Variants in PIK3C2G observed in about 807,000 individuals in gnomAD.
The protein encoded by PIK3C2G is phosphatidylinositol 3-kinase C2 domain-containing subunit gamma.
PIK3C2G carries 168 observed loss-of-function variants against 181.1 expected under a neutral mutation model. That is an observed-to-expected ratio of 0.93 (90% CI 0.82 to 1.05). The LOEUF is 1.05. Ranked by LOEUF, PIK3C2G falls within the 50% of genes least tolerant of loss-of-function variation. The pLI, the probability that PIK3C2G is intolerant of heterozygous loss-of-function variation, is 0.00. For missense variants in PIK3C2G, 1,869 were observed against 1,732.8 expected, an observed-to-expected ratio of 1.08 and a Z score of -1.40; for synonymous variants, 573 against 592.2, an observed-to-expected ratio of 0.97 and a Z score of 0.47.
At chr12:18,711,441 G>C in the PIK3C2G span, among the ~76,000 whole-genome samples, 1 of 148,722 alleles carries the variant, frequency 6.7e-6, no homozygotes, top group Non-Finnish European at 1.5e-5. Context: ...GCTAAATGAC[G>C]AGTTAGTGGG....
intron 18 of PIK3C2G, among the ~76,000 whole-genome samples, chr12:18,471,602 C>T (rs1401848190): frequency 6.6e-6 from 1 of 152,072 alleles, no homozygotes; most frequent in Non-Finnish European, 1.5e-5. Flanking sequence ...TTTTCCAACA[C>T]CTACCCATCC....
chr12:18,508,545 G>A (rs565425430), intron 24 of PIK3C2G, among the ~76,000 whole-genome samples: 95 of 152,132 alleles, frequency 6.2e-4, no homozygotes, highest in Middle Eastern at 3.4e-3. Context: ...GTGCTTATTT[G>A]TCCCACATTT....
chr12:18,560,053 A>G (rs563236669), intron 26 of PIK3C2G, among the ~76,000 whole-genome samples: 15 of 151,136 alleles, frequency 9.9e-5, no homozygotes, highest in African/African-American at 3.4e-4. Flanking sequence ...CTGGTCTCAA[A>G]CTCCTGACCT....
Position 18,304,117 on chromosome 12 carries a change from A to G in PIK3C2G, c.1035-9845A>G, listed in dbSNP as rs183800250. Among the ~76,000 whole-genome samples, 66 of 152,298 alleles carry G rather than the reference A, an allele frequency of 4.3e-4. 2 individuals carry two copies. Among genetic ancestry groups the G allele is most frequent in the Admixed American group, 4.1e-3 (62 of 15,304 alleles). On this transcript the variant is annotated intron_variant, in intron 5 of 32. Transcript: ENST00000538779. ...TTTCTCTCTGGGACTCTCCTAGTAG[A>G]GACGATGCATTCCTTTTATTAGAGT...
chr12:18,714,361 C>T, the PIK3C2G span, among the ~76,000 whole-genome samples: 3 of 152,128 alleles, frequency 2.0e-5, no homozygotes. Flanking sequence ...GTTTCTACAA[C>T]AGCAGGGATT....
the PIK3C2G span, among the ~76,000 whole-genome samples, chr12:18,655,676 G>A: frequency 6.6e-6 from 1 of 151,634 alleles, no homozygotes; most frequent in Non-Finnish European, 1.5e-5. Flanking sequence ...ATGTACCCTT[G>A]ACAAGATGTG....
At chr12:18,722,897 A>C in the PIK3C2G span, among the ~76,000 whole-genome samples, 1 of 151,984 alleles carries the variant, frequency 6.6e-6, no homozygotes, top group Non-Finnish European at 1.5e-5. Flanking sequence ...TAGCACATTT[A>C]ATTTTCATAG....
intron 18 of PIK3C2G, among the ~76,000 whole-genome samples, chr12:18,439,582 ATG>A (rs1280348666): frequency 3.4e-5 from 4 of 116,652 alleles, no homozygotes; most frequent in African/African-American, 1.3e-4. Flanking sequence ...TGAGCCACTC[ATG>A]TATGTATCTG....
chr12:18,269,772 G>C (rs1948665434), intron 1 of PIK3C2G, among the ~76,000 whole-genome samples: 1 of 151,988 alleles, frequency 6.6e-6, no homozygotes, highest in Non-Finnish European at 1.5e-5. Context: ...ATTATTATCA[G>C]TTAAAATACA....
At position 18,449,656 on chromosome 12, in the gene PIK3C2G, T is replaced by G. The variant is rs558669172; in HGVS notation, c.2504+25617T>G. On this transcript the variant is annotated intron_variant, in intron 18 of 32. Coordinates refer to ENST00000538779, the MANE Select transcript of PIK3C2G (RefSeq NM_001288772.2). ...CATTCTTTTTTATGGCTGCATAGTA[T>G]TCTATGGTGTGTATGTATGCCACAT... 3.3e-5 allele frequency among the ~76,000 whole-genome samples: 5 copies of G among 152,326 alleles called. No individual in the cohort carries two copies. The East Asian group carries it at 7.7e-4, about 23-fold the overall frequency.
chr12:18,325,997 A>G (rs1951331235), intron 8 of PIK3C2G, among the ~76,000 whole-genome samples: 1 of 152,142 alleles, frequency 6.6e-6, no homozygotes, highest in Admixed American at 6.6e-5. Context: ...CAAAGAGATG[A>G]TGAGGGCATG....
At chr12:18,307,001 T>A (rs2137346794) in intron 5 of PIK3C2G, among the ~76,000 whole-genome samples, 1 of 150,942 alleles carries the variant, frequency 6.6e-6, no homozygotes, top group South Asian at 2.1e-4. Flanking sequence ...TGAAAGAGCA[T>A]CGCTTTTAAA....
At chr12:18,530,469 C>G (rs1943489287) in intron 24 of PIK3C2G, among the ~76,000 whole-genome samples, 1 of 152,150 alleles carries the variant, frequency 6.6e-6, no homozygotes, top group Admixed American at 6.6e-5. Flanking sequence ...TTTTGCTCGC[C>G]TTCACAAATT....
intron 28 of PIK3C2G, among the ~76,000 whole-genome samples, chr12:18,565,424 A>G (rs1592598059): frequency 6.6e-6 from 1 of 152,210 alleles, no homozygotes; most frequent in South Asian, 2.1e-4. Flanking sequence ...TCTCCCAACC[A>G]TCCAAAATTT....
chr12:18,480,284 G>A (rs1053462726), intron 18 of PIK3C2G, among the ~76,000 whole-genome samples: 1 of 152,234 alleles, frequency 6.6e-6, no homozygotes, highest in Admixed American at 6.5e-5. Context: ...ATTCACAGCA[G>A]AGTGCTTAAT....
At chr12:18,313,877 T>A in intron 5 of PIK3C2G, 85 bp from the exon 6 acceptor site, 1 of 747,138 alleles carries the variant, frequency 1.3e-6, no homozygotes. Flanking sequence ...GTTCCAAAAA[T>A]AAAAGAAAAT....
At chr12:18,685,789 G>C in the PIK3C2G span, 2 of 350,244 alleles carry the variant, frequency 5.7e-6, no homozygotes, top group East Asian at 1.5e-4. Flanking sequence ...TTACACATGT[G>C]CCTCTGCCTC....
intron 16 of PIK3C2G, among the ~76,000 whole-genome samples, chr12:18,415,100 C>A (rs184858638): frequency 6.6e-6 from 1 of 152,146 alleles, no homozygotes; most frequent in South Asian, 2.1e-4. Flanking sequence ...TTTTTGTTCT[C>A]CTGTTTTTGA....
At chr12:18,634,219 G>A (rs1311122313) in intron 31 of PIK3C2G, among the ~76,000 whole-genome samples, 1 of 152,156 alleles carries the variant, frequency 6.6e-6, no homozygotes, top group Non-Finnish European at 1.5e-5. Context: ...TCTTTTTGCT[G>A]TGATGTGAGT....
Sources: gnomAD v4.1 joint callset for allele counts (sites outside exome capture counted in the v4.1 genomes callset) on GRCh38, gnomAD v4.1.1 for gene constraint, MANE v1.5 for transcripts, NCBI Gene and HGNC (gene_info 2026-07-23, HGNC 2026-07-21) for gene names.